NBAS: variants seen among roughly 807,000 people sequenced by gnomAD.
NBAS encodes the protein NAG/BC035112 fusion.
In NBAS, 219 loss-of-function variants were observed where a neutral mutation model predicts 302.5. The observed-to-expected ratio is 0.72, with a 90% confidence interval of 0.65 to 0.81. The LOEUF (loss-of-function observed/expected upper bound fraction) is 0.81. Ranked by LOEUF, NBAS falls within the 30% of genes least tolerant of loss-of-function variation. The pLI is 0.00. For missense variants in NBAS, 2,932 were observed against 2,841.6 expected (o/e 1.03, Z -0.72); for synonymous variants, 1,118 against 1,021.6 (o/e 1.09, Z -1.80).
intron 44 of NBAS, among the ~76,000 whole-genome samples, chr2:15,269,327 T>TG (rs1206214378): frequency 6.6e-6 from 1 of 152,194 alleles, no homozygotes; most frequent in African/African-American, 2.4e-5. Context: ...AACATCCTGA[T>TG]GGGAGACTAT....
chr2:15,284,121 A>C (rs929318535), intron 42 of NBAS, among the ~76,000 whole-genome samples: 4 of 152,034 alleles, frequency 2.6e-5, no homozygotes, highest in Non-Finnish European at 5.9e-5. Flanking sequence ...AAAACTAGCA[A>C]GACATTAAAA....
intron 9 of NBAS, among the ~76,000 whole-genome samples, chr2:15,533,767 T>G (rs1003975986): frequency 5.3e-5 from 8 of 151,106 alleles, no homozygotes; most frequent in Non-Finnish European, 1.2e-4. Flanking sequence ...AGTCCTGAAC[T>G]AAACACAGAC....
the NBAS span, among the ~76,000 whole-genome samples, chr2:15,121,732 T>A: frequency 0.5 from 67,471 of 136,290 alleles, 17,641 homozygotes; most frequent in Non-Finnish European, 0.59. Context: ...CAAAAAAAAT[T>A]TTTTTTTTTT....
the NBAS span, among the ~76,000 whole-genome samples, chr2:14,927,275 G>T: frequency 1.3e-5 from 2 of 152,108 alleles, no homozygotes; most frequent in Admixed American, 6.5e-5. Context: ...ACATCCTATT[G>T]GTTCCATTTC....
chr2:15,099,087 G>A, the NBAS span, among the ~76,000 whole-genome samples: 53,597 of 151,800 alleles, frequency 0.35, 10,273 homozygotes, highest in African/African-American at 0.5. Context: ...CAGGCCTCCC[G>A]AAGTCAGGAG....
At position 15,266,724 on chromosome 2, in the gene NBAS, T is replaced by C. The variant is rs974135393; in HGVS notation, c.5724+8760A>G. ...CTCAATTCTTAATATTGTAGGGTCC[T>C]AGGGCTTCATTCTCTCTCCTCCTTC... is the stretch of plus-strand genomic sequence containing the variant. On this transcript the variant is annotated intron_variant, in intron 44 of 51. Coordinates refer to ENST00000281513, the MANE Select transcript of NBAS (RefSeq NM_015909.4). Among the ~76,000 whole-genome samples the C allele has an allele frequency of 2.6e-5, 4 of 152,182 alleles. No homozygotes were observed. In the East Asian group the frequency reaches 7.7e-4, roughly 29 times the overall value.
chr2:15,364,096 G>C (rs1186849304), intron 32 of NBAS, among the ~76,000 whole-genome samples: 1 of 152,196 alleles, frequency 6.6e-6, no homozygotes, highest in Non-Finnish European at 1.5e-5. Context: ...AGCCCTCTTA[G>C]AAGCAGAACC....
the NBAS span, among the ~76,000 whole-genome samples, chr2:14,780,945 AAG>A: frequency 1.9e-3 from 282 of 152,310 alleles, no homozygotes; most frequent in Middle Eastern, 3.4e-3. Context: ...GAATGAGAGA[AAG>A]AGAGGGAGGA....
At chr2:15,365,905 TGA>T (rs1352491803) in intron 32 of NBAS, among the ~76,000 whole-genome samples, 6 of 151,646 alleles carry the variant, frequency 4.0e-5, no homozygotes, top group African/African-American at 1.5e-4. Flanking sequence ...AAAAGACTGG[TGA>T]GCAGAAGGAT....
the NBAS span, among the ~76,000 whole-genome samples, chr2:15,077,158 G>A: frequency 1.5e-4 from 23 of 152,164 alleles, no homozygotes; most frequent in South Asian, 1.0e-3. Flanking sequence ...CAATCATGGC[G>A]GAAGGTGAAG....
chr2:14,946,343 G>A, the NBAS span, among the ~76,000 whole-genome samples: 4 of 152,108 alleles, frequency 2.6e-5, no homozygotes, highest in South Asian at 8.3e-4. Context: ...GGGAAAAGAG[G>A]CAAAAACATA....
chr2:15,247,520 T>A lies in NBAS; in HGVS notation c.5725-8834A>T, dbSNP rs770662449. Among the ~76,000 whole-genome samples, 7 of 152,168 alleles carry A rather than the reference T, an allele frequency of 4.6e-5. No homozygotes were observed. In the East Asian group the frequency reaches 1.2e-3, roughly 25 times the overall value. On this transcript the variant is annotated intron_variant, in intron 44 of 51. Coordinates refer to ENST00000281513, the MANE Select transcript of NBAS (RefSeq NM_015909.4). ...GGCTCAAAATAAAGGAATGGAGGAA[T>A]ATTTAGCAAGCAAATGGAAACGAAA... is the stretch of plus-strand genomic sequence containing the variant.
chr2:15,360,637 G>T (rs973660130), intron 32 of NBAS, among the ~76,000 whole-genome samples: 1 of 142,902 alleles, frequency 7.0e-6, no homozygotes, highest in African/African-American at 2.6e-5. Context: ...AGTCTGAGCC[G>T]CCATGACCAG....
the NBAS span, among the ~76,000 whole-genome samples, chr2:14,868,124 T>C: frequency 3.3e-3 from 505 of 152,346 alleles, 6 homozygotes; most frequent in African/African-American, 0.012. Context: ...TCAATGAGAC[T>C]GAAGGTCACA....
intron 47 of NBAS, among the ~76,000 whole-genome samples, chr2:15,226,149 C>A (rs559782521): frequency 1.3e-5 from 2 of 152,202 alleles, no homozygotes; most frequent in African/African-American, 4.8e-5. Context: ...AAATGCATAC[C>A]TCTCTGAGCT....
At chr2:14,806,947 A>G in the NBAS span, among the ~76,000 whole-genome samples, 1 of 152,072 alleles carries the variant, frequency 6.6e-6, no homozygotes, top group Non-Finnish European at 1.5e-5. Context: ...TACTCAGTTC[A>G]TTTATTTTTG....
chr2:15,467,883 TG>T, intron 17 of NBAS, 79 bp from the exon 18 acceptor site: 2 of 1,225,288 alleles, frequency 1.6e-6, no homozygotes, highest in Non-Finnish European at 2.3e-6. Flanking sequence ...CTATTTTGAC[TG>T]ATTTCATTAT....
the NBAS span, among the ~76,000 whole-genome samples, chr2:15,064,969 T>C: frequency 2.6e-5 from 4 of 152,080 alleles, no homozygotes; most frequent in African/African-American, 9.7e-5. Context: ...ACAGAACCCA[T>C]TTAGAGGATA....
At chr2:15,276,669 T>C (rs1042289399) in intron 43 of NBAS, among the ~76,000 whole-genome samples, 182 bp downstream of exon 43, 81 of 152,200 alleles carry the variant, frequency 5.3e-4, no homozygotes, top group African/African-American at 1.9e-3. Context: ...CTTTTTCTGG[T>C]ATTTAATTCC....
Sources: allele counts gnomAD v4.1 joint callset (sites outside exome capture counted in the v4.1 genomes callset), GRCh38; gene constraint gnomAD v4.1.1; transcripts MANE v1.5; gene names NCBI Gene and HGNC (gene_info 2026-07-23, HGNC 2026-07-21).